The following FRMD4A variants were observed in gnomAD, a reference collection of about 807,000 sequenced individuals.
FRMD4A encodes the protein FERM domain containing 4A.
Under a neutral mutation model 129.1 loss-of-function variants are expected in FRMD4A, and 29 were observed. That is an observed-to-expected ratio of 0.22 (90% CI 0.17 to 0.31). The LOEUF (loss-of-function observed/expected upper bound fraction) is 0.31, where lower values mean the gene tolerates loss of function less well. Among genes scored for constraint, FRMD4A ranks in the 10% least tolerant of loss-of-function variants. The pLI, the probability that FRMD4A is intolerant of heterozygous loss-of-function variation, is 1.00. For missense variants in FRMD4A, 1,272 were observed against 1,375.8 expected (o/e 0.92, Z 1.19); for synonymous variants, 634 against 571.6 (o/e 1.11, Z -1.56).
intron 2 of FRMD4A, among the ~76,000 whole-genome samples, chr10:14,090,916 C>T (rs993986220): frequency 9.2e-5 from 14 of 152,138 alleles, no homozygotes; most frequent in Admixed American, 5.9e-4. Context: ...ACAAGTGATC[C>T]TCCTGCCTCA....
At chr10:13,770,000 A>G (rs1032437458) in intron 6 of FRMD4A, among the ~76,000 whole-genome samples, 2 of 151,408 alleles carry the variant, frequency 1.3e-5, no homozygotes, top group African/African-American at 2.4e-5. Context: ...TTGTGAGCCA[A>G]CTCCTCATAA....
intron 2 of FRMD4A, among the ~76,000 whole-genome samples, chr10:14,170,133 C>T (rs1229711030): frequency 1.3e-5 from 2 of 152,174 alleles, no homozygotes; most frequent in African/African-American, 4.8e-5. Context: ...AGAGCTTTGA[C>T]TATACATATT....
chr10:13,803,883 C>G lies in FRMD4A; in HGVS notation c.206+6931G>C, dbSNP rs1281079293. Among the ~76,000 whole-genome samples the G allele has an allele frequency of 2.6e-5, 4 of 152,198 alleles. No homozygotes were observed. In the East Asian group the frequency reaches 7.7e-4, roughly 29 times the overall value. On this transcript the variant is annotated intron_variant, in intron 4 of 24. Transcript: ENST00000357447. ...AGCTCCCATCCTAAGCAAACAGTCTCCATATTAAGAATTCACTCCGCTCAC... is the reference window on the plus strand; with the variant it reads ...AGCTCCCATCCTAAGCAAACAGTCTGCATATTAAGAATTCACTCCGCTCAC...
intron 2 of FRMD4A, among the ~76,000 whole-genome samples, chr10:14,253,244 C>T (rs1028403341): frequency 6.6e-6 from 1 of 152,204 alleles, no homozygotes; most frequent in African/African-American, 2.4e-5. Flanking sequence ...GTGTTTGTAT[C>T]ATTATTAATC....
At chr10:14,184,976 A>G (rs1391152743) in intron 2 of FRMD4A, among the ~76,000 whole-genome samples, 1 of 151,424 alleles carries the variant, frequency 6.6e-6, no homozygotes, top group Non-Finnish European at 1.5e-5. Context: ...AGACAGTTAC[A>G]CAATCAGAGA....
intron 4 of FRMD4A, among the ~76,000 whole-genome samples, chr10:13,797,305 G>A (rs1203004484): frequency 6.6e-6 from 1 of 152,208 alleles, no homozygotes; most frequent in Non-Finnish European, 1.5e-5. Context: ...CATCTTGCTG[G>A]AGTGAAAAGC....
intron 2 of FRMD4A, among the ~76,000 whole-genome samples, chr10:14,246,305 C>T (rs991060877): frequency 3.3e-5 from 5 of 152,162 alleles, no homozygotes; most frequent in Admixed American, 3.3e-4. Flanking sequence ...AACCTAATGT[C>T]ACTAGCCTCA....
At chr10:13,946,446 G>A (rs959090214) in intron 2 of FRMD4A, among the ~76,000 whole-genome samples, 8 of 152,152 alleles carry the variant, frequency 5.3e-5, no homozygotes, top group Non-Finnish European at 8.8e-5. Context: ...CTATGTCATC[G>A]TCACTTGTTT....
chr10:14,068,168 G>A (rs1347157582), intron 2 of FRMD4A, among the ~76,000 whole-genome samples: 1 of 152,200 alleles, frequency 6.6e-6, no homozygotes, highest in Admixed American at 6.5e-5. Flanking sequence ...TATGGATTAT[G>A]CTATGAAGTC....
intron 2 of FRMD4A, among the ~76,000 whole-genome samples, chr10:13,909,885 CT>C (rs1435324277): frequency 6.6e-6 from 1 of 152,166 alleles, no homozygotes; most frequent in Non-Finnish European, 1.5e-5. Flanking sequence ...TGAAAAAGTC[CT>C]TTGTTATAGA....
chr10:14,081,185 C>T (rs1835908101), intron 2 of FRMD4A, among the ~76,000 whole-genome samples: 1 of 152,140 alleles, frequency 6.6e-6, no homozygotes, highest in South Asian at 2.1e-4. Context: ...AAGTTTTGGT[C>T]TGTACTGAGT....
intron 22 of FRMD4A, chr10:13,655,697 C>T (rs978524498): frequency 1.3e-5 from 2 of 152,250 alleles, no homozygotes; most frequent in African/African-American, 2.4e-5. Flanking sequence ...TCAGGTCACT[C>T]TGTTTCCCCC....
chr10:14,041,321 T>G (rs7088123), intron 2 of FRMD4A, among the ~76,000 whole-genome samples: 47,500 of 152,110 alleles, frequency 0.31, 7,536 homozygotes, highest in East Asian at 0.43. Context: ...GCGTTTCTCA[T>G]GACATTCTTC....
At chr10:13,981,225 T>C (rs1402849251) in intron 2 of FRMD4A, among the ~76,000 whole-genome samples, 2 of 152,156 alleles carry the variant, frequency 1.3e-5, no homozygotes, top group African/African-American at 2.4e-5. Flanking sequence ...AGAACTATCA[T>C]GGGTTGGAGG....
intron 2 of FRMD4A, among the ~76,000 whole-genome samples, chr10:14,087,177 T>C (rs1169893888): frequency 1.3e-5 from 2 of 149,132 alleles, no homozygotes; most frequent in East Asian, 3.9e-4. Flanking sequence ...TATATGTTAA[T>C]TATATACTAC....
chr10:14,239,691 T>G (rs1843971234), intron 2 of FRMD4A, among the ~76,000 whole-genome samples: 1 of 151,882 alleles, frequency 6.6e-6, no homozygotes, highest in Non-Finnish European at 1.5e-5. Flanking sequence ...GTAGGCAGGT[T>G]TCTACTGATC....
rs1208998839 is a variant in FRMD4A at position 13,657,264 on chromosome 10, C to T, written c.2325G>A (p.Ser775=). The change falls in exon 22 of 25, where the codon TCG becomes TCA. Residue 775 remains serine, a synonymous_variant. Coordinates refer to ENST00000357447, the MANE Select transcript of FRMD4A (RefSeq NM_018027.5). ...TCTGCCTCTGGCGCGCCTTGGACGGCGAGTCCTCGGCCAGCGTGGAGTAGT... is the reference window on the plus strand; with the variant it reads ...TCTGCCTCTGGCGCGCCTTGGACGGTGAGTCCTCGGCCAGCGTGGAGTAGT... ...NANYSTLAED[S]PSKARQRQRQ... The T allele has an allele frequency of 1.3e-6, 2 of 1,599,874 alleles. No individual in the cohort carries two copies. Among genetic ancestry groups the T allele is most frequent in the East Asian group, 2.3e-5 (1 of 44,382 alleles).
intron 4 of FRMD4A, among the ~76,000 whole-genome samples, chr10:13,808,622 G>A (rs1427947650): frequency 2.0e-5 from 3 of 152,162 alleles, no homozygotes; most frequent in Non-Finnish European, 2.9e-5. Context: ...CTTGAGTCAC[G>A]GCCTCACCAC....
intron 2 of FRMD4A, among the ~76,000 whole-genome samples, chr10:14,096,437 A>G (rs1355749964): frequency 6.6e-6 from 1 of 152,244 alleles, no homozygotes; most frequent in Non-Finnish European, 1.5e-5. Context: ...TTCCCTGGCA[A>G]CAGTTATGGA....
Sources: allele counts gnomAD v4.1 joint callset (sites outside exome capture counted in the v4.1 genomes callset), GRCh38; gene constraint gnomAD v4.1.1; transcripts MANE v1.5; gene names NCBI Gene and HGNC (gene_info 2026-07-23, HGNC 2026-07-21).